Variants in RAPGEFL1 observed in about 807,000 individuals in gnomAD.
The protein encoded by RAPGEFL1 is rap guanine nucleotide exchange factor-like 1.
RAPGEFL1 carries 31 observed loss-of-function variants against 64.4 expected under a neutral mutation model. The ratio of observed to expected loss-of-function variants is 0.48; its 90% confidence interval spans 0.36 to 0.65. The LOEUF is 0.65. Ranked by LOEUF, RAPGEFL1 falls within the 30% of genes least tolerant of loss-of-function variation. The pLI, the probability that RAPGEFL1 is intolerant of heterozygous loss-of-function variation, is 0.00. For missense variants in RAPGEFL1, 682 were observed against 677.4 expected, an observed-to-expected ratio of 1.01 and a Z score of -0.08; for synonymous variants, 331 against 274.1, an observed-to-expected ratio of 1.21 and a Z score of -2.05.
At position 40,193,932 on chromosome 17, in the gene RAPGEFL1, G is replaced by T. The variant is rs60094150; in HGVS notation, c.*144G>T. 3,554 of 1,136,036 alleles carry T rather than the reference G, an allele frequency of 3.1e-3. 77 individuals carry two copies. In the African/African-American group the frequency reaches 0.046, roughly 15 times the overall value. The allele number at this position is 1,136,036 out of a possible 1,614,324, so 70.4% of individuals were successfully genotyped here. A position where few individuals can be genotyped will look rare whatever the true frequency, so the allele number is the denominator to read the frequency against. ...AAAGAGGTCGATGGATTTACCCCTG[G>T]ACCCATAAGTCTGTTCATCCTGCTG... On this transcript the variant is annotated 3_prime_UTR_variant, in exon 15 of 15. Coordinates refer to ENST00000620260, the MANE Select transcript of RAPGEFL1 (RefSeq NM_016339.6).
At chr17:40,177,250 C>T (rs1045393049), upstream of RAPGEFL1, 2 of 702,466 alleles carry the variant, frequency 2.8e-6, no homozygotes, top group Non-Finnish European at 5.2e-6. Flanking sequence ...TGCTGAGACC[C>T]GGTTATCCCT....
rs2145223709 is a variant in RAPGEFL1, at chr17:40,191,493, C to T, written c.1513C>T (p.Leu505Phe). 6.2e-7 allele frequency: 1 copy of T among 1,602,444 alleles called. No individual in the cohort carries two copies. Among genetic ancestry groups the T allele is most frequent in the African/African-American group, 1.3e-5 (1 of 74,606 alleles). ...LLKKFIKIAA[L>F]CKQNQDLLSF... ...CAAGAAGTTCATCAAGATCGCGGCC[C>T]TGTGAGTGCGGCCGTCGGCGGGATG... Residue 505 changes from leucine (L) to phenylalanine (F), a missense_variant and splice_region_variant, in exon 9 of 15, where the codon CTC (leucine) becomes TTC (phenylalanine). Around this residue, in one of 2 missense-constraint regions of RAPGEFL1, gnomAD observed 411 missense variants for 519.4 expected, o/e 0.79. Transcript: ENST00000620260. This position sits in a 1 kb window ranked among gnomAD's most constrained non-coding sequence, Gnocchi z 5.1.
At chr17:40,182,726 T>G (rs1207657393) in intron 2 of RAPGEFL1, among the ~76,000 whole-genome samples, 2 of 152,208 alleles carry the variant, frequency 1.3e-5, no homozygotes, top group Non-Finnish European at 2.9e-5. Context: ...AGGCCATGGT[T>G]GTGCTTCAGT....
rs1233714441 is a variant in RAPGEFL1, at chr17:40,188,967, G to T, written c.935G>T (p.Gly312Val). The change falls in exon 5 of 15, where the codon GGC becomes GTC. Residue 312 changes from glycine (G) to valine (V), a missense_variant. By Grantham distance (109) the Gly-to-Val change is moderately radical. Coordinates refer to ENST00000620260, the MANE Select transcript of RAPGEFL1 (RefSeq NM_016339.6). ...CTGCAGACCCGGGTGGCCTTCCGGG[G>T]CTCTGATGAGAGTGAGTGTGGGCAT... ...SCLQTRVAFR[G>V]SDEIFCRVYM... 2 of 1,614,046 alleles carry T rather than the reference G, an allele frequency of 1.2e-6. No individual in the cohort carries two copies. The highest frequency in any genetic ancestry group is 1.1e-5 in the South Asian group (1 of 91,084).
intron 1 of RAPGEFL1, among the ~76,000 whole-genome samples, chr17:40,179,080 T>C (rs1323096969): frequency 1.3e-5 from 2 of 151,156 alleles, no homozygotes; most frequent in Non-Finnish European, 3.0e-5. Context: ...TTTTTTTTTT[T>C]CTTTTGGAGA....
rs56205991 is a variant in RAPGEFL1 at position 40,194,232 on chromosome 17, CGTGTGTGTGTGTGTGTGTGTGT to C, written c.*481_*502del. On this transcript the variant is annotated 3_prime_UTR_variant, in exon 15 of 15. Coordinates refer to ENST00000620260, the MANE Select transcript of RAPGEFL1 (RefSeq NM_016339.6). ...GGGACCCCCAGGAATATTATGTTGC[CGTGTGTGTGTGTGTGTGTGTGT>C]GTGTGTGTGTGTGTGTGTGTGTGTG... The C allele has an allele frequency of 5.8e-4, 73 of 125,082 alleles. No homozygotes were observed. In the East Asian group the frequency reaches 6.7e-3, roughly 11 times the overall value. 7.7% of individuals were successfully genotyped at this position (125,082 alleles called of 1,614,324 possible).
chr17:40,177,386 G>T, upstream of RAPGEFL1: 1 of 698,734 alleles, frequency 1.4e-6, no homozygotes, highest in South Asian at 1.5e-5. Context: ...TTCAAGCCTC[G>T]TGCGGCGCGG....
chr17:40,185,519 C>CAAAAAAA (rs1012933421), intron 4 of RAPGEFL1, among the ~76,000 whole-genome samples: 4 of 36,268 alleles, frequency 1.1e-4, no homozygotes, highest in Non-Finnish European at 1.7e-4. Context: ...GTCTCCACTA[C>CAAAAAAA]AAAAAAAAAA....
rs1185352041 is a variant in RAPGEFL1 at position 40,191,779 on chromosome 17, TGGA to T, written c.1605+110_1605+112del. On this transcript the variant is annotated intron_variant, in intron 10 of 14. Transcript: ENST00000620260. This position sits in a 1 kb window ranked among gnomAD's most constrained non-coding sequence, Gnocchi z 5.1. Reference sequence around the variant, plus strand: ...GCCTGGAGGGAGTCTTTGCGCCAGTTGGAGGGAGGCGCCCTCTTCTGGCATACG... The same window carrying T: ...GCCTGGAGGGAGTCTTTGCGCCAGTTGGGAGGCGCCCTCTTCTGGCATACG... 1 of 1,132,194 alleles carries T rather than the reference TGGA, an allele frequency of 8.8e-7. No homozygotes were observed. Among genetic ancestry groups the T allele is most frequent in the African/African-American group, 1.6e-5 (1 of 64,448 alleles). The allele number at this position is 1,132,194 out of a possible 1,614,324, so 70.1% of individuals were successfully genotyped here. A position where few individuals can be genotyped will look rare whatever the true frequency, so the allele number is the denominator to read the frequency against.
rs569965388 is a variant in RAPGEFL1, at chr17:40,179,522, C to T, written c.520+1141C>T. 7.3e-5 allele frequency among the ~76,000 whole-genome samples: 11 copies of T among 151,240 alleles called. No homozygotes were observed. In the South Asian group the frequency reaches 8.4e-4, roughly 12 times the overall value. On this transcript the variant is annotated intron_variant, in intron 1 of 14. Coordinates refer to ENST00000620260, the MANE Select transcript of RAPGEFL1 (RefSeq NM_016339.6). Reference sequence around the variant, plus strand: ...GGCGTGAGCCACCGGACCTGGCACACGGCCTCTTTAAAATATAATCACCAC... The same window carrying T: ...GGCGTGAGCCACCGGACCTGGCACATGGCCTCTTTAAAATATAATCACCAC...
rs56205991 is a variant in RAPGEFL1 at position 40,194,232 on chromosome 17, C to CGTGTGT, written c.*497_*502dup. On this transcript the variant is annotated 3_prime_UTR_variant, in exon 15 of 15. Transcript: ENST00000620260. Reference sequence around the variant, plus strand: ...GGGACCCCCAGGAATATTATGTTGCCGTGTGTGTGTGTGTGTGTGTGTGTG... The same window carrying CGTGTGT: ...GGGACCCCCAGGAATATTATGTTGCCGTGTGTGTGTGTGTGTGTGTGTGTGTGTGTG... 1,564 of 125,048 alleles carry CGTGTGT rather than the reference C, an allele frequency of 0.013. 36 individuals are homozygous for CGTGTGT. Among genetic ancestry groups the CGTGTGT allele is most frequent in the African/African-American group, 0.014 (384 of 27,416 alleles). The allele number at this position is 125,048 out of a possible 1,614,324, so 7.7% of individuals were successfully genotyped here.
rs186575722 is a variant in RAPGEFL1, at chr17:40,193,957, G to A, written c.*169G>A. ...GACCCATAAGTCTGTTCATCCTGCT[G>A]AAGTCCCCTCCCCATTGCTCCTTCA... On this transcript the variant is annotated 3_prime_UTR_variant, in exon 15 of 15. Transcript: ENST00000620260. The A allele has an allele frequency of 4.1e-4, 364 of 882,396 alleles. 5 individuals are homozygous for A. In the East Asian group the frequency reaches 8.0e-3, roughly 19 times the overall value. The allele number at this position is 882,396 out of a possible 1,614,324, so 54.7% of individuals were successfully genotyped here.
In RAPGEFL1 at chr17:40,191,272, C is replaced by T. The variant is rs1433220482; in HGVS notation, c.1336-44C>T. 5.3e-6 allele frequency: 8 copies of T among 1,506,408 alleles called. No individual in the cohort carries two copies. The highest frequency in any genetic ancestry group is 6.2e-6 in the Non-Finnish European group (7 of 1,134,520). The allele number at this position is 1,506,408 out of a possible 1,614,324, so 93.3% of individuals were successfully genotyped here. A position where few individuals can be genotyped will look rare whatever the true frequency, so the allele number is the denominator to read the frequency against. On this transcript the variant is annotated intron_variant, in intron 8 of 14. Coordinates refer to ENST00000620260, the MANE Select transcript of RAPGEFL1 (RefSeq NM_016339.6). The surrounding 1 kb of genome is among the most constrained non-coding windows in gnomAD (Gnocchi z 5.1). ...CTGCCATCTTCCCACCCACTCCCCT[C>T]ACCCCCTGGCGCCCTGGCCGCCCCT...
intron 2 of RAPGEFL1, among the ~76,000 whole-genome samples, chr17:40,183,521 T>TTCTTTTC (rs1271327542): frequency 7.4e-6 from 1 of 135,480 alleles, no homozygotes; most frequent in African/African-American, 3.5e-5. Flanking sequence ...TTCTTTTCTT[T>TTCTTTTC]TTTTTTTTTT....
chr17:40,184,486 G>T, intron 3 of RAPGEFL1, 95 bp from the exon 4 acceptor site: 1 of 1,117,690 alleles, frequency 8.9e-7, no homozygotes, highest in Non-Finnish European at 1.3e-6. Context: ...TGGCTCTCCT[G>T]TGCTTAAAGG....
At chr17:40,181,445 C>A in intron 1 of RAPGEFL1, 171 bp from the exon 2 acceptor site, 1 of 651,056 alleles carries the variant, frequency 1.5e-6, no homozygotes, top group Admixed American at 2.1e-5. Flanking sequence ...CTGCCCAGAA[C>A]CTTTACACAT....
Position 40,177,696 on chromosome 17 carries a change from G to A in RAPGEFL1, c.-166G>A, listed in dbSNP as rs1989753876. 1.2e-5 allele frequency: 5 copies of A among 412,388 alleles called. No individual in the cohort carries two copies. The East Asian group carries it at 1.8e-4, about 15-fold the overall frequency. The allele number at this position is 412,388 out of a possible 1,614,324, so 25.5% of individuals were successfully genotyped here. On this transcript the variant is annotated 5_prime_UTR_variant, in exon 1 of 15. Coordinates refer to ENST00000620260, the MANE Select transcript of RAPGEFL1 (RefSeq NM_016339.6). ...CACCTCCCCCGGCTACTGGCCACTGGACTCTGGCCAGCGAGGCTCGGCCCC... is the reference window on the plus strand; with the variant it reads ...CACCTCCCCCGGCTACTGGCCACTGAACTCTGGCCAGCGAGGCTCGGCCCC...
chr17:40,193,650 T>C lies in RAPGEFL1; in HGVS notation c.1865-14T>C. The C allele has an allele frequency of 6.2e-7, 1 of 1,614,070 alleles. No individual in the cohort carries two copies. The highest frequency in any genetic ancestry group is 8.5e-7 in the Non-Finnish European group (1 of 1,179,994). On this transcript the variant is annotated splice_polypyrimidine_tract_variant and intron_variant, in intron 14 of 14. Coordinates refer to ENST00000620260, the MANE Select transcript of RAPGEFL1 (RefSeq NM_016339.6). ...AGCTGGGAACCTGACTGCCTCTCCC[T>C]CTTTACCCACTAGGCCTGGACATGG...
In RAPGEFL1 at chr17:40,184,223, G is replaced by C; in HGVS notation, c.609G>C (p.Arg203=). 1 of 1,612,006 alleles carries C rather than the reference G, an allele frequency of 6.2e-7. No individual in the cohort carries two copies. Among genetic ancestry groups the C allele is most frequent in the Non-Finnish European group, 8.5e-7 (1 of 1,178,462 alleles). ...FLQELHQYFV[R]AGGMEGPEGL... ...TTAACTTAAGGGTCAGCTTTGTTCG[G>C]GCAGGAGGCATGGAGGGCCCTGAAG... Residue 203 remains arginine, a synonymous_variant, in exon 3 of 15, where the codon CGG becomes CGC. Transcript: ENST00000620260.
Sources: gnomAD v4.1 joint callset for allele counts (sites outside exome capture counted in the v4.1 genomes callset) on GRCh38, gnomAD v4.1.1 for gene constraint, gnomAD v4.1.1 regional missense constraint, Gnocchi (gnomAD v3.1) non-coding constraint, MANE v1.5 for transcripts, NCBI Gene and HGNC (gene_info 2026-07-23, HGNC 2026-07-21) for gene names.